The following CALN1 variants were observed in gnomAD, a reference collection of about 807,000 sequenced individuals.
CALN1 encodes calneuron 1.
CALN1 carries 17 observed loss-of-function variants against 30.6 expected under a neutral mutation model. The observed-to-expected ratio is 0.56, with a 90% CI of 0.38 to 0.83. The LOEUF (loss-of-function observed/expected upper bound fraction) is 0.83, where lower values mean the gene tolerates loss of function less well. CALN1 is among the 40% of genes least tolerant of loss of function. The probability of loss-of-function intolerance (pLI) is 0.00; values close to 1 mark genes in which losing one functional copy is unlikely to be tolerated. For missense variants in CALN1, 291 were observed against 354.9 expected, an observed-to-expected ratio of 0.82 and a Z score of 1.45; for synonymous variants, 156 against 131.4, an observed-to-expected ratio of 1.19 and a Z score of -1.28.
intron 6 of CALN1, among the ~76,000 whole-genome samples, chr7:71,788,497 T>TC (rs1211933713): frequency 6.7e-6 from 1 of 148,664 alleles, no homozygotes; most frequent in African/African-American, 2.6e-5. Context: ...TGTTGTTTTT[T>TC]TTTTTTTTTT....
intron 3 of CALN1, among the ~76,000 whole-genome samples, chr7:72,163,056 C>T (rs991929017): frequency 1.3e-5 from 2 of 152,198 alleles, no homozygotes; most frequent in African/African-American, 4.8e-5. Context: ...ATTTCAGCTG[C>T]CGCCCTCCAT....
At chr7:72,192,686 T>C (rs1301511800) in intron 3 of CALN1, among the ~76,000 whole-genome samples, 1 of 150,034 alleles carries the variant, frequency 6.7e-6, no homozygotes, top group East Asian at 2.0e-4. Flanking sequence ...CTTTAAGTTT[T>C]AGGGTACATG....
intron 4 of CALN1, among the ~76,000 whole-genome samples, chr7:72,098,425 T>C (rs903323271): frequency 1.3e-5 from 2 of 152,170 alleles, no homozygotes; most frequent in Non-Finnish European, 2.9e-5. Flanking sequence ...TAGTTCAGGC[T>C]GTGCCCAGTG....
At chr7:72,085,644 T>C (rs977458915) in intron 4 of CALN1, among the ~76,000 whole-genome samples, 1 of 152,178 alleles carries the variant, frequency 6.6e-6, no homozygotes, top group Non-Finnish European at 1.5e-5. Flanking sequence ...AAATTATTTG[T>C]CAAGGGACTA....
At chr7:72,478,342 TATATAA>T in the CALN1 span, among the ~76,000 whole-genome samples, 19 of 147,428 alleles carry the variant, frequency 1.3e-4, no homozygotes, top group Non-Finnish European at 2.2e-4. Flanking sequence ...ATTTATATAA[TATATAA>T]ATATAAATGT....
At chr7:72,385,216 T>A (rs1212423158) in intron 2 of CALN1, among the ~76,000 whole-genome samples, 1 of 152,196 alleles carries the variant, frequency 6.6e-6, no homozygotes, top group Non-Finnish European at 1.5e-5. Flanking sequence ...AATGGTATAG[T>A]CACTTTGGGA....
intron 3 of CALN1, among the ~76,000 whole-genome samples, chr7:72,163,433 G>A (rs1285681968): frequency 7.0e-6 from 1 of 143,370 alleles, no homozygotes. Context: ...TCACATAGTG[G>A]AAAACACAGT....
In CALN1 at chr7:71,857,595, C is replaced by T. The variant is rs538088388; in HGVS notation, c.502-47103G>A. Among the ~76,000 whole-genome samples, 570 of 152,322 alleles carry T rather than the reference C, an allele frequency of 3.7e-3. 1 individual carries two copies. Among genetic ancestry groups the T allele is most frequent in the Non-Finnish European group, 5.4e-3 (367 of 68,032 alleles). ...GTCTCACCGACTCCTCTTCCCTCTC[C>T]TCCCCCTGTTCTCTTGGTGGAGTTG... is the stretch of plus-strand genomic sequence containing the variant. On this transcript the variant is annotated intron_variant, in intron 5 of 6. Coordinates refer to ENST00000395275, the MANE Select transcript of CALN1 (RefSeq NM_031468.4).
chr7:72,060,464 G>A (rs895416011), intron 4 of CALN1, among the ~76,000 whole-genome samples: 4 of 152,134 alleles, frequency 2.6e-5, no homozygotes, highest in Non-Finnish European at 5.9e-5. Flanking sequence ...TGAAGAGGTT[G>A]GCAAAGCTAC....
intron 5 of CALN1, among the ~76,000 whole-genome samples, chr7:71,858,958 T>G (rs2116645822): frequency 6.6e-6 from 1 of 152,332 alleles, no homozygotes; most frequent in Non-Finnish European, 1.5e-5. Context: ...CTGAGACCTG[T>G]CTCGGATATT....
intron 5 of CALN1, among the ~76,000 whole-genome samples, chr7:71,975,075 T>C (rs566745580): frequency 6.6e-6 from 1 of 152,186 alleles, no homozygotes; most frequent in Non-Finnish European, 1.5e-5. Context: ...AATTAGTCAC[T>C]GGCTGTGTTT....
intron 3 of CALN1, among the ~76,000 whole-genome samples, chr7:72,256,205 T>C (rs1027361623): frequency 8.5e-5 from 13 of 152,148 alleles, no homozygotes; most frequent in African/African-American, 2.4e-4. Flanking sequence ...ACACCTATGA[T>C]CCCAGCTGTT....
chr7:72,330,510 T>C (rs1297362840), intron 2 of CALN1, among the ~76,000 whole-genome samples: 1 of 149,628 alleles, frequency 6.7e-6, no homozygotes, highest in Non-Finnish European at 1.5e-5. Flanking sequence ...TTGTTGGCCA[T>C]CCAATCTGAA....
chr7:72,364,215 A>C (rs1212768836), intron 2 of CALN1, among the ~76,000 whole-genome samples: 1 of 152,238 alleles, frequency 6.6e-6, no homozygotes, highest in Admixed American at 6.5e-5. Context: ...AGATCTCTCT[A>C]AATTAATTTC....
intron 2 of CALN1, among the ~76,000 whole-genome samples, chr7:72,370,877 C>G (rs1461115801): frequency 6.6e-6 from 1 of 151,750 alleles, no homozygotes; most frequent in Non-Finnish European, 1.5e-5. Flanking sequence ...GAAGCCGCAT[C>G]TCTACTAAAA....
chr7:71,806,306 C>CTTTTTT (rs774646277), intron 6 of CALN1, among the ~76,000 whole-genome samples: 1 of 136,708 alleles, frequency 7.3e-6, no homozygotes. Flanking sequence ...TTTCCCCCTC[C>CTTTTTT]TTTTTTTTTT....
At chr7:72,287,271 C>G (rs943764717) in intron 2 of CALN1, among the ~76,000 whole-genome samples, 1 of 151,934 alleles carries the variant, frequency 6.6e-6, no homozygotes, top group Non-Finnish European at 1.5e-5. Context: ...TTAAATTTGT[C>G]CAGATTTTGA....
chr7:72,373,177 T>C (rs73364922), intron 2 of CALN1, among the ~76,000 whole-genome samples: 4 of 152,108 alleles, frequency 2.6e-5, no homozygotes, highest in Admixed American at 6.5e-5. Context: ...AATGTGAACA[T>C]AGACCTATAC....
At chr7:72,391,866 A>C (rs1237829416) in intron 2 of CALN1, among the ~76,000 whole-genome samples, 1 of 152,138 alleles carries the variant, frequency 6.6e-6, no homozygotes, top group African/African-American at 2.4e-5. Context: ...GTATGTCTTT[A>C]TCAGCAGCAT....
Sources: allele counts gnomAD v4.1 joint callset (sites outside exome capture counted in the v4.1 genomes callset), GRCh38; gene constraint gnomAD v4.1.1; transcripts MANE v1.5; gene names NCBI Gene and HGNC (gene_info 2026-07-23, HGNC 2026-07-21).